The following UBE2Q1 variants were observed in gnomAD, a reference collection of about 807,000 sequenced individuals.
The protein encoded by UBE2Q1 is ubiquitin-conjugating enzyme E2 Q1.
Under a neutral mutation model 60.1 loss-of-function variants are expected in UBE2Q1, and 6 were observed. The observed-to-expected ratio is 0.10, with a 90% CI of 0.05 to 0.20. The LOEUF (loss-of-function observed/expected upper bound fraction) is 0.20, where lower values mean the gene tolerates loss of function less well. UBE2Q1 is among the 10% of genes least tolerant of loss of function. The pLI is 1.00. For missense variants in UBE2Q1, 262 were observed against 525.8 expected, an observed-to-expected ratio of 0.50 and a Z score of 4.91; for synonymous variants, 226 against 208.3, an observed-to-expected ratio of 1.09 and a Z score of -0.73.
Position 154,558,459 on chromosome 1 carries a change from C to A in UBE2Q1, c.95G>T (p.Gly32Val), listed in dbSNP as rs549444803. 3,071 of 1,376,942 alleles carry A rather than the reference C, an allele frequency of 2.2e-3. 6 individuals carry two copies. Among genetic ancestry groups the A allele is most frequent in the African/African-American group, 7.3e-3 (475 of 65,398 alleles). 85.3% of individuals were successfully genotyped at this position (1,376,942 alleles called of 1,614,324 possible). The change falls in exon 1 of 13, where the codon GGG becomes GTG. Residue 32 changes from glycine (G) to valine (V), a missense_variant. This residue lies in a region of UBE2Q1 where 70 missense variants were observed against 56.7 expected (regional missense o/e 1.24). Coordinates refer to ENST00000292211, the MANE Select transcript of UBE2Q1 (RefSeq NM_017582.7). Reference protein sequence around the residue: ...GAAPGAGGGPGGGPGPGPCLR... With the variant: ...GAAPGAGGGPVGGPGPGPCLR... ...GCAGGGCCCCGGCCCCGGGCCCCCC[C>A]CTGGGCCGCCCCCGGCCCCCGGCGC...
chr1:154,552,624 G>T (rs1571008002), intron 6 of UBE2Q1, 112 bp downstream of exon 6: 2 of 1,438,798 alleles, frequency 1.4e-6, no homozygotes, highest in Non-Finnish European at 1.9e-6. Context: ...CTCCATTCTT[G>T]GCCTGAAAAG....
At chr1:154,550,683 A>C (rs1695777780) in intron 12 of UBE2Q1, 1 of 985,316 alleles carries the variant, frequency 1.0e-6, no homozygotes, top group Non-Finnish European at 1.2e-6. Context: ...GGAGAGTTAG[A>C]TGAGCTTTTT....
Position 154,550,218 on chromosome 1 carries a change from G to T in UBE2Q1, c.*220C>A, listed in dbSNP as rs369036763. On this transcript the variant is annotated 3_prime_UTR_variant, in exon 13 of 13. Coordinates refer to ENST00000292211, the MANE Select transcript of UBE2Q1 (RefSeq NM_017582.7). The stretch of plus-strand genomic sequence containing the variant: ...TAGCAAGGGTTCCAGCAAGGTGGTT[G>T]GTTGGTCTGTAAGTCAGTCTTGAGT... The T allele has an allele frequency of 1.8e-6, 1 of 558,118 alleles. No individual in the cohort carries two copies. The highest frequency in any genetic ancestry group is 1.9e-5 in the African/African-American group (1 of 52,386). 34.6% of individuals were successfully genotyped at this position (558,118 alleles called of 1,614,324 possible).
At chr1:154,552,368 C>G in intron 7 of UBE2Q1, 36 bp downstream of exon 7, 1 of 1,613,116 alleles carries the variant, frequency 6.2e-7, no homozygotes, top group South Asian at 1.1e-5. Context: ...CACACTCCTC[C>G]TCAACTTCCT....
chr1:154,551,111 C>T lies in UBE2Q1; in HGVS notation c.1171-107G>A, dbSNP rs920058921. 98 of 1,338,726 alleles carry T rather than the reference C, an allele frequency of 7.3e-5. 1 individual carries two copies. Among genetic ancestry groups the T allele is most frequent in the Admixed American group, 1.7e-4 (10 of 58,818 alleles). The allele number at this position is 1,338,726 out of a possible 1,614,324, so 82.9% of individuals were successfully genotyped here. ...GACCCCAGAGTCCCAGCTCCCAGCA[C>T]TGTGGTCTAGTAAAACACTAAGTAC... On this transcript the variant is annotated intron_variant, in intron 11 of 12. Transcript: ENST00000292211.
At chr1:154,557,091 GT>G (rs1433145775) in intron 1 of UBE2Q1, among the ~76,000 whole-genome samples, 8 of 152,208 alleles carry the variant, frequency 5.3e-5, no homozygotes. Flanking sequence ...ATGAGTTTTG[GT>G]GGGGCACCAA....
chr1:154,556,020 G>C, intron 1 of UBE2Q1, 56 bp from the exon 2 acceptor site: 11 of 1,506,338 alleles, frequency 7.3e-6, no homozygotes, highest in Non-Finnish European at 9.2e-6. Flanking sequence ...GGAAAAGCCA[G>C]ATTTTGCCTG....
At chr1:154,552,984 C>T in intron 5 of UBE2Q1, 48 bp downstream of exon 5, 1 of 1,608,676 alleles carries the variant, frequency 6.2e-7, no homozygotes, top group South Asian at 1.1e-5. Flanking sequence ...TACTTCCCAG[C>T]CATTTCCCAC....
intron 12 of UBE2Q1, 144 bp from the exon 13 acceptor site, chr1:154,550,613 C>T: frequency 6.6e-7 from 1 of 1,509,656 alleles, no homozygotes. Context: ...GTATGGGAAG[C>T]TGAGAGCCTG....
At position 154,558,366 on chromosome 1, in the gene UBE2Q1, C is replaced by T; in HGVS notation, c.188G>A (p.Ser63Asn). 6.4e-7 allele frequency: 1 copy of T among 1,552,270 alleles called. No homozygotes were observed. The highest frequency in any genetic ancestry group is 8.7e-7 in the Non-Finnish European group (1 of 1,151,332). ...GCAGCTCAGCTCGTCCAGGCAGGCG[C>T]TGGCAATGCGGAAGCGCTCGTGGCC... ...HRGHERFRIA[S>N]ACLDELSCEF... Residue 63 changes from serine to asparagine, a missense_variant, in exon 1 of 13, where the codon AGC becomes AAC. Ser to Asn is a conservative substitution (Grantham distance 46). Around this residue, in one of 5 missense-constraint regions of UBE2Q1, gnomAD observed 10 missense variants for 48.5 expected, o/e 0.21. Transcript: ENST00000292211.
chr1:154,554,687 C>G, intron 4 of UBE2Q1, 48 bp downstream of exon 4: 1 of 1,592,784 alleles, frequency 6.3e-7, no homozygotes, highest in South Asian at 1.1e-5. Context: ...ACCAATGTTG[C>G]TGACTGCAAG....
At position 154,555,410 on chromosome 1, in the gene UBE2Q1, G is replaced by A. The variant is rs1445594441; in HGVS notation, c.537+18C>T. On this transcript the variant is annotated intron_variant, in intron 3 of 12. Transcript: ENST00000292211. ...GGCAACTCTGCACAACAGGGCCCGA[G>A]GCTCCTCAGCTGCTCACCTGCTCTG... is the stretch of plus-strand genomic sequence containing the variant. 1 of 1,610,644 alleles carries A rather than the reference G, an allele frequency of 6.2e-7. No individual in the cohort carries two copies. Among genetic ancestry groups the A allele is most frequent in the East Asian group, 2.2e-5 (1 of 44,886 alleles).
At chr1:154,554,891 C>G in intron 3 of UBE2Q1, 106 bp from the exon 4 acceptor site, 1 of 1,164,848 alleles carries the variant, frequency 8.6e-7, no homozygotes, top group Non-Finnish European at 1.2e-6. Context: ...TGTGCGCCTG[C>G]CTGTAATGCT....
chr1:154,554,693 G>A (rs1695851192), intron 4 of UBE2Q1, 42 bp downstream of exon 4: 5 of 1,605,346 alleles, frequency 3.1e-6, no homozygotes, highest in East Asian at 2.2e-5. Context: ...GTTGCTGACT[G>A]CAAGAGCTTC....
intron 1 of UBE2Q1, among the ~76,000 whole-genome samples, chr1:154,557,857 G>A (rs1228188472): frequency 6.6e-6 from 1 of 152,122 alleles, no homozygotes; most frequent in Non-Finnish European, 1.5e-5. Context: ...GTTAGGGTCA[G>A]TGCCGAGGCC....
Position 154,551,981 on chromosome 1 carries a change from TGAGA to T in UBE2Q1, c.967-6_967-3del, listed in dbSNP as rs757287266. The T allele has an allele frequency of 1.2e-6, 2 of 1,611,358 alleles. No individual in the cohort carries two copies. The highest frequency in any genetic ancestry group is 1.7e-5 in the Admixed American group (1 of 59,910). The stretch of plus-strand genomic sequence containing the variant: ...TGGTGGGTCAAAGGGAAAGTTATCC[TGAGA>T]GAGAGAGAGACGACAATCAGGGGAG... On this transcript the variant is annotated splice_region_variant and splice_polypyrimidine_tract_variant and intron_variant, in intron 8 of 12. Transcript: ENST00000292211.
intron 11 of UBE2Q1, 43 bp downstream of exon 11, chr1:154,551,354 T>C (rs1469447547): frequency 1.2e-6 from 2 of 1,600,652 alleles, no homozygotes; most frequent in Admixed American, 3.3e-5. Flanking sequence ...CAAGTGTACT[T>C]GGCTCCACCC....
intron 12 of UBE2Q1, 121 bp downstream of exon 12, chr1:154,550,817 G>T: frequency 6.3e-7 from 1 of 1,577,024 alleles, no homozygotes. Flanking sequence ...TGGGGCAGGT[G>T]CTGTGTTAAT....
At chr1:154,557,566 G>T (rs913998004) in intron 1 of UBE2Q1, among the ~76,000 whole-genome samples, 2 of 152,160 alleles carry the variant, frequency 1.3e-5, no homozygotes, top group African/African-American at 4.8e-5. Context: ...CAGGGCAAAT[G>T]GACATATCCA....
Sources: allele counts gnomAD v4.1 joint callset (sites outside exome capture counted in the v4.1 genomes callset), GRCh38; gene constraint gnomAD v4.1.1; regional missense constraint gnomAD v4.1.1; transcripts MANE v1.5; gene names NCBI Gene and HGNC (gene_info 2026-07-23, HGNC 2026-07-21).